The following PERP variants were observed in gnomAD, a reference collection of about 807,000 sequenced individuals.
PERP encodes the protein p53 apoptosis effector related to PMP-22.
Under a neutral mutation model 20.3 loss-of-function variants are expected in PERP, and 11 were observed. That is an observed-to-expected ratio of 0.54 (90% CI 0.34 to 0.90). The LOEUF is 0.90. PERP is among the 40% of genes least tolerant of loss of function. The pLI is 0.02. For synonymous variants in PERP, 101 were observed against 102.0 expected (o/e 0.99, Z 0.06); for missense variants, 224 against 249.4 (o/e 0.90, Z 0.69).
chr6:138,093,904 C>CTAA lies in PERP; in HGVS notation c.356-1637_356-1636insTTA, dbSNP rs1562323290. ...TAAATACATTTTCTGTTCTATTTTT[C>CTAA]ATACTCTTTAAAGGAAAGGATGAGT... On this transcript the variant is annotated intron_variant, in intron 2 of 2. Coordinates refer to ENST00000421351, the MANE Select transcript of PERP (RefSeq NM_022121.5). Among the ~76,000 whole-genome samples the CTAA allele has an allele frequency of 7.7e-3, 1,169 of 152,136 alleles. 22 individuals are homozygous for CTAA. Among genetic ancestry groups the CTAA allele is most frequent in the African/African-American group, 0.026 (1,093 of 41,484 alleles).
chr6:138,094,256 G>A (rs1005625761), intron 2 of PERP, among the ~76,000 whole-genome samples: 1 of 151,958 alleles, frequency 6.6e-6, no homozygotes, highest in Non-Finnish European at 1.5e-5. Context: ...TTTTTCATCT[G>A]TACATAAACT....
At position 138,099,976 on chromosome 6, in the gene PERP, A is replaced by G. The variant is rs555198881; in HGVS notation, c.215-3482T>C. ...TTGAGAAAGACTGCCTTGGAAATAG[A>G]ACGTGTAAAACCTGCTCCTTGCATC... On this transcript the variant is annotated intron_variant, in intron 1 of 2. Coordinates refer to ENST00000421351, the MANE Select transcript of PERP (RefSeq NM_022121.5). Among the ~76,000 whole-genome samples, 7 of 152,376 alleles carry G rather than the reference A, an allele frequency of 4.6e-5. No homozygotes were observed. In the South Asian group the frequency reaches 1.4e-3, roughly 32 times the overall value.
rs1225996331 is a variant in PERP at position 138,107,053 on chromosome 6, G to A, written c.214+74C>T. On this transcript the variant is annotated intron_variant, in intron 1 of 2. Transcript: ENST00000421351. This position sits in a 1 kb window ranked among gnomAD's most constrained non-coding sequence, Gnocchi z 4.8. ...CCCCGACCCTGTGAGGGCCCATCAC[G>A]CGCGGCGGCTTTTGCAGGCCGCGGC... 1 of 1,449,630 alleles carries A rather than the reference G, an allele frequency of 6.9e-7. No homozygotes were observed. Among genetic ancestry groups the A allele is most frequent in the Non-Finnish European group, 9.3e-7 (1 of 1,077,550 alleles). 89.8% of individuals were successfully genotyped at this position (1,449,630 alleles called of 1,614,324 possible). A position where few individuals can be genotyped will look rare whatever the true frequency, so the allele number is the denominator to read the frequency against.
At chr6:138,103,500 A>G (rs967212431) in intron 1 of PERP, among the ~76,000 whole-genome samples, 5 of 152,170 alleles carry the variant, frequency 3.3e-5, no homozygotes, top group African/African-American at 1.2e-4. Context: ...TGAAAAAACC[A>G]CAAGGGCATA....
rs1775858426 is a variant in PERP at position 138,107,203 on chromosome 6, C to T, written c.138G>A (p.Ser46=). 5.6e-6 allele frequency: 9 copies of T among 1,612,424 alleles called. No homozygotes were observed. Among genetic ancestry groups the T allele is most frequent in the Non-Finnish European group, 7.6e-6 (9 of 1,179,656 alleles). The change falls in exon 1 of 3, where the codon TCG becomes TCA. Residue 46 remains serine (S), a synonymous_variant. Transcript: ENST00000421351. This position sits in a 1 kb window ranked among gnomAD's most constrained non-coding sequence, Gnocchi z 4.8. ...LQSSDHGQTS[S]LWWKCSQEGG... is the part of the protein sequence containing the mutation. ...CCTCTTGGGAGCATTTCCACCACAG[C>T]GAGGACGTCTGGCCGTGGTCGCTAG...
intron 1 of PERP, among the ~76,000 whole-genome samples, chr6:138,098,446 A>G (rs1199192477): frequency 1.3e-5 from 2 of 152,186 alleles, no homozygotes; most frequent in Non-Finnish European, 2.9e-5. Context: ...TTCCAAGATG[A>G]TGGAAGCACA....
chr6:138,099,436 G>C (rs1556639), intron 1 of PERP, among the ~76,000 whole-genome samples: 70,817 of 151,850 alleles, frequency 0.47, 16,966 homozygotes, highest in East Asian at 0.72. Flanking sequence ...TATGAGTTCA[G>C]AAGTTTGAAA....
chr6:138,098,511 C>T (rs966076117), intron 1 of PERP, among the ~76,000 whole-genome samples: 2 of 152,198 alleles, frequency 1.3e-5, no homozygotes, highest in Non-Finnish European at 2.9e-5. Flanking sequence ...AATGTTCCTC[C>T]TGTGTCCCTG....
intron 1 of PERP, among the ~76,000 whole-genome samples, chr6:138,099,905 C>T (rs147354971): frequency 6.6e-6 from 1 of 152,288 alleles, no homozygotes; most frequent in East Asian, 1.9e-4. Context: ...ATTTAAAGTG[C>T]TGAGTCTAAA....
Position 138,107,351 on chromosome 6 carries a change from G to C in PERP, c.-11C>G, listed in dbSNP as rs376594392. 2.1e-5 allele frequency: 33 copies of C among 1,582,524 alleles called. No homozygotes were observed. The East Asian group carries it at 2.5e-4, about 12-fold the overall frequency. ...GCCGCAGCGGATCATGTTGACGGGCGGCGCGGGGCCGAGCGGAGCGGAGCG... is the reference window on the plus strand; with the variant it reads ...GCCGCAGCGGATCATGTTGACGGGCCGCGCGGGGCCGAGCGGAGCGGAGCG... On this transcript the variant is annotated 5_prime_UTR_variant, in exon 1 of 3. Transcript: ENST00000421351. This position sits in a 1 kb window ranked among gnomAD's most constrained non-coding sequence, Gnocchi z 4.8.
At chr6:138,092,385 T>A in intron 2 of PERP, 117 bp from the exon 3 acceptor site, 1 of 926,516 alleles carries the variant, frequency 1.1e-6, no homozygotes, top group Non-Finnish European at 1.6e-6. Context: ...AAGTATAAAA[T>A]CTACCTGGAG....
chr6:138,094,764 C>G (rs780556445), intron 2 of PERP, among the ~76,000 whole-genome samples: 1 of 152,096 alleles, frequency 6.6e-6, no homozygotes, highest in Non-Finnish European at 1.5e-5. Flanking sequence ...CTCTGTCACC[C>G]AGGCTGGAGT....
intron 1 of PERP, among the ~76,000 whole-genome samples, chr6:138,101,872 A>T (rs1345876824): frequency 6.6e-6 from 1 of 152,242 alleles, no homozygotes; most frequent in Non-Finnish European, 1.5e-5. Context: ...TCTGAAACTT[A>T]AAAGTGCTTA....
In PERP at chr6:138,091,963, C is replaced by T. The variant is rs1323786415; in HGVS notation, c.*79G>A. ...TATGAACACTGCCAAAAAATGGGTTCAAAGTCGCCTGGAGAAACAGTTTCT... is the reference window on the plus strand; with the variant it reads ...TATGAACACTGCCAAAAAATGGGTTTAAAGTCGCCTGGAGAAACAGTTTCT... On this transcript the variant is annotated 3_prime_UTR_variant, in exon 3 of 3. Coordinates refer to ENST00000421351, the MANE Select transcript of PERP (RefSeq NM_022121.5). 1.2e-5 allele frequency: 17 copies of T among 1,388,482 alleles called. No homozygotes were observed. The highest frequency in any genetic ancestry group is 1.6e-5 in the Non-Finnish European group (16 of 1,016,944). The allele number at this position is 1,388,482 out of a possible 1,614,324, so 86.0% of individuals were successfully genotyped here. A position where few individuals can be genotyped will look rare whatever the true frequency, so the allele number is the denominator to read the frequency against.
chr6:138,097,363 C>CCT (rs1477677924), intron 1 of PERP, among the ~76,000 whole-genome samples: 1 of 152,146 alleles, frequency 6.6e-6, no homozygotes, highest in Non-Finnish European at 1.5e-5. Context: ...TGCTAAAACC[C>CCT]CTTCACACAC....
chr6:138,106,234 C>A (rs1775838914), intron 1 of PERP, among the ~76,000 whole-genome samples: 1 of 152,174 alleles, frequency 6.6e-6, no homozygotes, highest in African/African-American at 2.4e-5. Context: ...CATCTCCACC[C>A]CCACACACAT....
chr6:138,103,941 T>C (rs970341825), intron 1 of PERP, among the ~76,000 whole-genome samples: 63 of 152,344 alleles, frequency 4.1e-4, no homozygotes, highest in African/African-American at 1.5e-3. Context: ...AGGGTGTCTT[T>C]GGTTAAAAAA....
In PERP at chr6:138,092,116, A is replaced by G; in HGVS notation, c.508T>C (p.Phe170Leu). The change falls in exon 3 of 3, where the codon TTC becomes CTC. Residue 170 changes from phenylalanine to leucine, a missense_variant. Coordinates refer to ENST00000421351, the MANE Select transcript of PERP (RefSeq NM_022121.5). ...TIILIGCAFF[F>L]CCLPNYEDDL... ...TCTTCGTAGTTGGGGAGGCAGCAGA[A>G]GAAGAAGGCACAGCCAATCAGGATA... The G allele has an allele frequency of 6.2e-7, 1 of 1,614,104 alleles. No homozygotes were observed. Among genetic ancestry groups the G allele is most frequent in the Non-Finnish European group, 8.5e-7 (1 of 1,179,990 alleles).
At chr6:138,096,573 T>G in intron 1 of PERP, 79 bp from the exon 2 acceptor site, 1 of 1,452,920 alleles carries the variant, frequency 6.9e-7, no homozygotes, top group Non-Finnish European at 9.2e-7. Flanking sequence ...ATCAACATGG[T>G]TTTGGGCTTT....
Sources: gnomAD v4.1 joint callset for allele counts (sites outside exome capture counted in the v4.1 genomes callset) on GRCh38, gnomAD v4.1.1 for gene constraint, Gnocchi (gnomAD v3.1) non-coding constraint, MANE v1.5 for transcripts, NCBI Gene and HGNC (gene_info 2026-07-23, HGNC 2026-07-21) for gene names.